Variants in PTPRC observed in about 807,000 individuals in gnomAD.
The protein encoded by PTPRC is protein tyrosine phosphatase receptor type C.
Under a neutral mutation model 155.9 loss-of-function variants are expected in PTPRC, and 44 were observed. The ratio of observed to expected loss-of-function variants is 0.28; its 90% CI spans 0.22 to 0.36. The LOEUF is 0.36. PTPRC is among the 10% of genes least tolerant of loss of function. The pLI is 1.00. For missense variants in PTPRC, 1,401 were observed against 1,564.6 expected (o/e 0.90, Z 1.76); for synonymous variants, 525 against 533.1 (o/e 0.98, Z 0.21).
intron 31 of PTPRC, among the ~76,000 whole-genome samples, chr1:198,753,474 T>C (rs1655479647): frequency 6.6e-6 from 1 of 152,022 alleles, no homozygotes; most frequent in Non-Finnish European, 1.5e-5. Context: ...AAATGAGAAA[T>C]GTTTATCTAG....
intron 2 of PTPRC, among the ~76,000 whole-genome samples, chr1:198,686,187 G>A (rs1665614025): frequency 6.6e-6 from 1 of 152,072 alleles, no homozygotes. Flanking sequence ...GAATAACACA[G>A]CTTTGAAGAT....
At chr1:198,752,483 A>G in intron 30 of PTPRC, 111 bp from the exon 31 acceptor site, 2 of 1,520,214 alleles carry the variant, frequency 1.3e-6, no homozygotes, top group Middle Eastern at 2.1e-4. Context: ...GTTTCAGAAT[A>G]ACATTTTAAA....
At chr1:198,697,185 A>G (rs1666245873) in intron 4 of PTPRC, among the ~76,000 whole-genome samples, 1 of 152,120 alleles carries the variant, frequency 6.6e-6, no homozygotes, top group African/African-American at 2.4e-5. Flanking sequence ...TGATCTATAC[A>G]CACTCGCCAT....
intron 8 of PTPRC, among the ~76,000 whole-genome samples, chr1:198,705,432 CT>C (rs905823899): frequency 0.012 from 1,643 of 139,346 alleles, 24 homozygotes; most frequent in African/African-American, 0.034. Context: ...TTCTTTCTTT[CT>C]TTTTTTTTTT....
At chr1:198,677,120 C>T (rs532795237) in intron 2 of PTPRC, among the ~76,000 whole-genome samples, 3 of 152,094 alleles carry the variant, frequency 2.0e-5, no homozygotes, top group Non-Finnish European at 4.4e-5. Context: ...CTGTAATGAA[C>T]ATTTATCCAA....
chr1:198,723,705 CA>C (rs1653999127), intron 15 of PTPRC, among the ~76,000 whole-genome samples: 2 of 152,166 alleles, frequency 1.3e-5, no homozygotes, highest in African/African-American at 4.8e-5. Context: ...AGACACAGAA[CA>C]AAAAGCACAG....
chr1:198,665,989 T>C (rs371355082), intron 2 of PTPRC, among the ~76,000 whole-genome samples: 6 of 152,040 alleles, frequency 3.9e-5, no homozygotes, highest in East Asian at 1.9e-4. Flanking sequence ...TTTAAAGACA[T>C]AGGCACTTTG....
At chr1:198,718,934 A>C (rs954333529) in intron 14 of PTPRC, among the ~76,000 whole-genome samples, 1 of 152,142 alleles carries the variant, frequency 6.6e-6, no homozygotes, top group Admixed American at 6.5e-5. Flanking sequence ...TTTAACTACT[A>C]TGTAGTTTTT....
intron 23 of PTPRC, among the ~76,000 whole-genome samples, chr1:198,740,966 C>T (rs978918864): frequency 3.3e-5 from 5 of 151,840 alleles, no homozygotes; most frequent in African/African-American, 1.2e-4. Flanking sequence ...TATATATCTC[C>T]GTAGGTCTTC....
At chr1:198,676,411 T>C (rs745611756) in intron 2 of PTPRC, among the ~76,000 whole-genome samples, 14 of 152,170 alleles carry the variant, frequency 9.2e-5, no homozygotes, top group Non-Finnish European at 1.9e-4. Context: ...AAGAAACAGA[T>C]GGTAGATCTG....
At chr1:198,671,252 C>A (rs1047386139) in intron 2 of PTPRC, among the ~76,000 whole-genome samples, 1 of 152,086 alleles carries the variant, frequency 6.6e-6, no homozygotes, top group African/African-American at 2.4e-5. Flanking sequence ...CCCCCCTCAC[C>A]CCCCTGTTTC....
At chr1:198,663,595 C>G (rs190204941) in intron 2 of PTPRC, among the ~76,000 whole-genome samples, 1 of 152,268 alleles carries the variant, frequency 6.6e-6, no homozygotes. Flanking sequence ...CACAGCTGAC[C>G]TAGTGGCCTT....
At chr1:198,666,373 A>T (rs1664307938) in intron 2 of PTPRC, among the ~76,000 whole-genome samples, 1 of 152,100 alleles carries the variant, frequency 6.6e-6, no homozygotes, top group East Asian at 1.9e-4. Flanking sequence ...TAGGAAGGAG[A>T]AGGTAGGAAC....
chr1:198,667,991 C>T (rs1664416340), intron 2 of PTPRC, among the ~76,000 whole-genome samples: 1 of 152,218 alleles, frequency 6.6e-6, no homozygotes, highest in Non-Finnish European at 1.5e-5. Flanking sequence ...GTATACACAA[C>T]TTAGCTTACA....
At chr1:198,650,795 A>G (rs563153730) in intron 2 of PTPRC, among the ~76,000 whole-genome samples, 1 of 151,848 alleles carries the variant, frequency 6.6e-6, no homozygotes, top group Non-Finnish European at 1.5e-5. Context: ...GGGAAACTTC[A>G]TATTTGGAAG....
chr1:198,686,003 A>T (rs186493537), intron 2 of PTPRC, among the ~76,000 whole-genome samples: 15 of 151,354 alleles, frequency 9.9e-5, no homozygotes, highest in African/African-American at 3.4e-4. Context: ...AAGCCCAAGT[A>T]TGTCTTTTGA....
At chr1:198,738,609 C>CT (rs112064365) in intron 23 of PTPRC, among the ~76,000 whole-genome samples, 167 of 151,466 alleles carry the variant, frequency 1.1e-3, no homozygotes, top group African/African-American at 3.8e-3. Context: ...CGGTAGTTTT[C>CT]TTTTTTTTGA....
chr1:198,639,793 A>G (rs1462017651), intron 2 of PTPRC, among the ~76,000 whole-genome samples: 1 of 152,052 alleles, frequency 6.6e-6, no homozygotes, highest in East Asian at 1.9e-4. Flanking sequence ...TCAGACCTGA[A>G]GTTTGCTTCC....
In PTPRC at chr1:198,734,419, A is replaced by T; in HGVS notation, c.2271A>T (p.Gly757=). Residue 757 remains glycine (G), a synonymous_variant, in exon 22 of 33, where the codon GGA becomes GGT. Coordinates refer to ENST00000442510, the MANE Select transcript of PTPRC (RefSeq NM_002838.5). ...TCATGGTCACTCGATGTGAAGAAGGAAACAGGGTAAGAACCAAGAAGATTC... is the reference window on the plus strand; with the variant it reads ...TCATGGTCACTCGATGTGAAGAAGGTAACAGGGTAAGAACCAAGAAGATTC... ...VIVMVTRCEE[G]NRNKCAEYWP... The T allele has an allele frequency of 1.2e-6, 2 of 1,610,614 alleles. No homozygotes were observed. Among genetic ancestry groups the T allele is most frequent in the Non-Finnish European group, 1.7e-6 (2 of 1,177,534 alleles).
Sources: gnomAD v4.1 joint callset for allele counts (sites outside exome capture counted in the v4.1 genomes callset) on GRCh38, gnomAD v4.1.1 for gene constraint, MANE v1.5 for transcripts, NCBI Gene and HGNC (gene_info 2026-07-23, HGNC 2026-07-21) for gene names.